The following ATP13A5 variants were observed in gnomAD, a reference collection of about 807,000 sequenced individuals.
ATP13A5 encodes the protein probable cation-transporting ATPase 13A5.
ATP13A5 carries 149 observed loss-of-function variants against 150.2 expected under a neutral mutation model. The observed-to-expected ratio is 0.99, with a 90% CI of 0.87 to 1.14. The LOEUF (loss-of-function observed/expected upper bound fraction) is 1.14, where lower values mean the gene tolerates loss of function less well. Among genes scored for constraint, ATP13A5 ranks in the 50% most tolerant of loss-of-function variants. The probability of loss-of-function intolerance (pLI) is 0.00; values close to 1 mark genes in which losing one functional copy is unlikely to be tolerated. For synonymous variants in ATP13A5, 497 were observed against 522.2 expected, an observed-to-expected ratio of 0.95 and a Z score of 0.66; for missense variants, 1,383 against 1,449.3, an observed-to-expected ratio of 0.95 and a Z score of 0.74.
At position 193,325,034 on chromosome 3, in the gene ATP13A5, T is replaced by C; in HGVS notation, c.1524-20A>G. ...TGGAAGCTGGTAGAGAAGGTAATGT[T>C]AAAGTCTTTGATAAAATCATTTTGC... is the stretch of plus-strand genomic sequence containing the variant. On this transcript the variant is annotated intron_variant, in intron 13 of 29. Transcript: ENST00000342358. The C allele has an allele frequency of 6.2e-7, 1 of 1,603,624 alleles. No individual in the cohort carries two copies. The highest frequency in any genetic ancestry group is 8.5e-7 in the Non-Finnish European group (1 of 1,174,692).
At position 193,314,074 on chromosome 3, in the gene ATP13A5, A is replaced by G; in HGVS notation, c.2278T>C (p.Trp760Arg). 1.2e-6 allele frequency: 2 copies of G among 1,613,790 alleles called. No individual in the cohort carries two copies. Among genetic ancestry groups the G allele is most frequent in the South Asian group, 2.2e-5 (2 of 91,052 alleles). The change falls in exon 19 of 30, where the codon TGG becomes CGG. Residue 760 changes from tryptophan (W) to arginine (R), a missense_variant. Physicochemically the swap from Trp to Arg is moderately radical, Grantham distance 101. Coordinates refer to ENST00000342358, the MANE Select transcript of ATP13A5 (RefSeq NM_198505.4). ...PEEFVPASVT[W>R]QLVENQETGP... is the part of the protein sequence containing the mutation. ...GTCTCTTGGTTCTCCACCAGCTGCC[A>G]GGTCACAGAGGCAGGAACAAATTCT...
rs200704876 is a variant in ATP13A5, at chr3:193,307,301, T to C, written c.2568+26A>G. 445 of 1,613,588 alleles carry C rather than the reference T, an allele frequency of 2.8e-4. 2 individuals are homozygous for C. In the African/African-American group the frequency reaches 5.2e-3, roughly 19 times the overall value. ...CAGAGGGATATTAGTGAGTGGCTTG[T>C]CTGAGCAAAAGCCATTTCTACTCAC... On this transcript the variant is annotated intron_variant, in intron 22 of 29. Transcript: ENST00000342358.
chr3:193,375,911 C>T (rs1189540008), intron 1 of ATP13A5, among the ~76,000 whole-genome samples: 1 of 152,198 alleles, frequency 6.6e-6, no homozygotes, highest in Non-Finnish European at 1.5e-5. Flanking sequence ...CATTATTTGC[C>T]TCGACTGTCT....
intron 1 of ATP13A5, among the ~76,000 whole-genome samples, chr3:193,369,367 G>T (rs894890451): frequency 6.6e-6 from 1 of 151,512 alleles, no homozygotes; most frequent in Admixed American, 6.6e-5. Context: ...CCAGCACTTT[G>T]GGAGGCCAAG....
chr3:193,300,285 A>C (rs1220049133), intron 24 of ATP13A5, among the ~76,000 whole-genome samples: 2 of 152,152 alleles, frequency 1.3e-5, no homozygotes. Flanking sequence ...TTCTAGGAGA[A>C]GCTTTCATGG....
chr3:193,307,042 C>T, intron 22 of ATP13A5: 4 of 874,820 alleles, frequency 4.6e-6, no homozygotes, highest in Non-Finnish European at 5.5e-6. Context: ...AGATTTAAAG[C>T]AGATAGACTT....
At chr3:193,321,921 C>A (rs1381605482) in intron 15 of ATP13A5, 84 bp from the exon 16 acceptor site, 15 of 1,429,046 alleles carry the variant, frequency 1.0e-5, no homozygotes, top group Non-Finnish European at 1.4e-5. Context: ...CTTTACTGTG[C>A]AATGAGCCCA....
intron 11 of ATP13A5, among the ~76,000 whole-genome samples, chr3:193,333,392 C>T (rs968035356): frequency 2.6e-5 from 4 of 152,176 alleles, no homozygotes; most frequent in African/African-American, 9.7e-5. Context: ...AGTGACAACC[C>T]TTCCCTCCCT....
chr3:193,344,099 T>C (rs1712232903), intron 8 of ATP13A5, 44 bp from the exon 9 acceptor site: 4 of 1,595,860 alleles, frequency 2.5e-6, no homozygotes, highest in South Asian at 1.1e-5. Context: ...CCTTTTCCTG[T>C]TTTTACTTAA....
intron 1 of ATP13A5, among the ~76,000 whole-genome samples, chr3:193,377,766 A>C (rs1713692856): frequency 6.6e-6 from 1 of 152,096 alleles, no homozygotes; most frequent in Non-Finnish European, 1.5e-5. Context: ...GGGGCCCCCA[A>C]ATGTGCCCTC....
chr3:193,277,458 C>CT (rs1284559544), intron 28 of ATP13A5, among the ~76,000 whole-genome samples: 1 of 152,110 alleles, frequency 6.6e-6, no homozygotes, highest in African/African-American at 2.4e-5. Flanking sequence ...GTTACACAGC[C>CT]TTTTTTCTGA....
At position 193,364,230 on chromosome 3, in the gene ATP13A5, G is replaced by A. The variant is rs769286750; in HGVS notation, c.114C>T (p.Val38=). 20 of 1,613,994 alleles carry A rather than the reference G, an allele frequency of 1.2e-5. No individual in the cohort carries two copies. The East Asian group carries it at 1.3e-4, about 11-fold the overall frequency. ...GGCCCCCACAGGTCAGCACGGATGC[G>A]ACAAGGCAGAAGGCTTTCCGTACAT... ...DHNVRKAFCL[V]ASVLTCGGLL... The change falls in exon 2 of 30, where the codon GTC becomes GTT. Residue 38 remains valine (V), a synonymous_variant. Transcript: ENST00000342358.
chr3:193,280,581 C>T (rs1445341455), intron 27 of ATP13A5, among the ~76,000 whole-genome samples: 24 of 152,114 alleles, frequency 1.6e-4, no homozygotes, highest in Non-Finnish European at 1.9e-4. Context: ...TTCTTCTTTC[C>T]ATCCTGCCCA....
chr3:193,338,028 CTGTT>C (rs1252900528), intron 9 of ATP13A5, among the ~76,000 whole-genome samples: 13 of 152,286 alleles, frequency 8.5e-5, no homozygotes, highest in Admixed American at 7.2e-4. Context: ...ATTTGGCTCT[CTGTT>C]TGTCTGTTAT....
intron 27 of ATP13A5, among the ~76,000 whole-genome samples, chr3:193,280,113 C>T (rs1053085752): frequency 1.3e-5 from 2 of 151,166 alleles, no homozygotes; most frequent in South Asian, 2.1e-4. Context: ...TGCAGTGGCA[C>T]GATCTTGGCT....
intron 9 of ATP13A5, 99 bp from the exon 10 acceptor site, chr3:193,335,198 C>T: frequency 8.8e-7 from 1 of 1,132,602 alleles, no homozygotes; most frequent in South Asian, 1.4e-5. Context: ...CACAACTAAT[C>T]CGGTCTTAAT....
chr3:193,305,680 A>G lies in ATP13A5; in HGVS notation c.2569-12T>C. 6.2e-7 allele frequency: 1 copy of G among 1,612,074 alleles called. No homozygotes were observed. The highest frequency in any genetic ancestry group is 1.3e-5 in the African/African-American group (1 of 74,980). On this transcript the variant is annotated splice_polypyrimidine_tract_variant and intron_variant, in intron 22 of 29. Coordinates refer to ENST00000342358, the MANE Select transcript of ATP13A5 (RefSeq NM_198505.4). ...GCCGCTTTCAAAGCCTGGAATGATA[A>G]GCCCATGTCTCACCCATGACTTTTC...
At chr3:193,280,607 G>A (rs1264135620) in intron 27 of ATP13A5, among the ~76,000 whole-genome samples, 1 of 152,038 alleles carries the variant, frequency 6.6e-6, no homozygotes, top group East Asian at 1.9e-4. Context: ...TTTTAATTTT[G>A]GGAGCTAAAC....
intron 11 of ATP13A5, among the ~76,000 whole-genome samples, chr3:193,333,395 C>A (rs1711718021): frequency 6.6e-6 from 1 of 152,188 alleles, no homozygotes; most frequent in Non-Finnish European, 1.5e-5. Flanking sequence ...GACAACCCTT[C>A]CCTCCCTAGC....
Sources: gnomAD v4.1 joint callset for allele counts (sites outside exome capture counted in the v4.1 genomes callset) on GRCh38, gnomAD v4.1.1 for gene constraint, MANE v1.5 for transcripts, NCBI Gene and HGNC (gene_info 2026-07-23, HGNC 2026-07-21) for gene names.